Variants in RABGEF1 observed in about 807,000 individuals in gnomAD.
RABGEF1 encodes the protein rab5 GDP/GTP exchange factor.
In RABGEF1, 26 loss-of-function variants were observed where a neutral mutation model predicts 57.3. That is an observed-to-expected ratio of 0.45 (90% CI 0.33 to 0.63). The LOEUF (loss-of-function observed/expected upper bound fraction) is 0.63, where lower values mean the gene tolerates loss of function less well. Ranked by LOEUF, RABGEF1 falls within the 20% of genes least tolerant of loss-of-function variation. The probability of loss-of-function intolerance (pLI) is 0.02; values close to 1 mark genes in which losing one functional copy is unlikely to be tolerated. For missense variants in RABGEF1, 464 were observed against 607.6 expected (o/e 0.76, Z 2.48); for synonymous variants, 185 against 210.7 (o/e 0.88, Z 1.06).
intron 2 of RABGEF1, among the ~76,000 whole-genome samples, chr7:66,726,471 C>A (rs1402536748): frequency 6.6e-6 from 1 of 152,026 alleles, no homozygotes; most frequent in Non-Finnish European, 1.5e-5. Flanking sequence ...TTCAAGCGAT[C>A]CTCCCACCTC....
chr7:66,803,232 C>T (rs1468494011), intron 7 of RABGEF1, among the ~76,000 whole-genome samples: 1 of 152,212 alleles, frequency 6.6e-6, no homozygotes, highest in Non-Finnish European at 1.5e-5. Flanking sequence ...TGTGCACTGC[C>T]TAGCACATCT....
chr7:66,793,681 G>T (rs914480072), intron 4 of RABGEF1, among the ~76,000 whole-genome samples: 1 of 116,486 alleles, frequency 8.6e-6, no homozygotes, highest in Non-Finnish European at 1.9e-5. Flanking sequence ...TGCAGTGTGT[G>T]CATGTATATG....
chr7:66,790,244 ATG>A (rs1812312762), intron 4 of RABGEF1, among the ~76,000 whole-genome samples: 2 of 152,234 alleles, frequency 1.3e-5, no homozygotes, highest in African/African-American at 4.8e-5. Context: ...ACTCTCAACA[ATG>A]AGTGGAGTCC....
intron 2 of RABGEF1, among the ~76,000 whole-genome samples, chr7:66,715,512 T>G (rs1795288740): frequency 6.6e-6 from 1 of 152,212 alleles, no homozygotes; most frequent in Non-Finnish European, 1.5e-5. Flanking sequence ...ATGTTCTATT[T>G]TCATTTTCAT....
chr7:66,718,097 C>A (rs1354690527), intron 2 of RABGEF1, among the ~76,000 whole-genome samples: 4 of 152,066 alleles, frequency 2.6e-5, no homozygotes, highest in African/African-American at 9.7e-5. Flanking sequence ...TGGCCCAGCA[C>A]TTTGGGAGGC....
intron 1 of RABGEF1, chr7:66,748,949 G>A: frequency 4.6e-6 from 1 of 215,882 alleles, no homozygotes; most frequent in Non-Finnish European, 1.0e-5. Context: ...TGTCATAAGA[G>A]CAAGGCCGCT....
intron 2 of RABGEF1, among the ~76,000 whole-genome samples, chr7:66,773,079 G>GTTTTTTTTT (rs1241121812): frequency 9.4e-6 from 1 of 106,914 alleles, no homozygotes; most frequent in Non-Finnish European, 2.2e-5. Flanking sequence ...CTAGCTAGTT[G>GTTTTTTTTT]TTTGTTTTTT....
chr7:66,776,325 G>C (rs1808523883), intron 3 of RABGEF1, among the ~76,000 whole-genome samples: 1 of 152,190 alleles, frequency 6.6e-6, no homozygotes, highest in South Asian at 2.1e-4. Flanking sequence ...TCTAGGTTTT[G>C]TGACTTTTGC....
At chr7:66,713,172 C>T (rs1421170544) in intron 2 of RABGEF1, among the ~76,000 whole-genome samples, 5 of 138,124 alleles carry the variant, frequency 3.6e-5, no homozygotes, top group African/African-American at 1.4e-4. Flanking sequence ...GACGTAGTCT[C>T]CCTCTGTCGC....
At chr7:66,743,737 G>A (rs1799544124) in intron 1 of RABGEF1, among the ~76,000 whole-genome samples, 2 of 152,062 alleles carry the variant, frequency 1.3e-5, no homozygotes, top group Admixed American at 6.6e-5. Context: ...TCCTGACCTC[G>A]TGATCCGCCC....
intron 5 of RABGEF1, chr7:66,796,951 T>C (rs1786093402): frequency 4.7e-6 from 2 of 428,380 alleles, no homozygotes; most frequent in African/African-American, 2.1e-5. Context: ...TTGTTCTGAG[T>C]GTGTTTAATT....
At chr7:66,763,556 C>T (rs753160883) in intron 1 of RABGEF1, among the ~76,000 whole-genome samples, 3 of 152,196 alleles carry the variant, frequency 2.0e-5, no homozygotes, top group Non-Finnish European at 4.4e-5. Context: ...ATAGAATTCT[C>T]CCTTTTGAAG....
chr7:66,738,881 A>C (rs1798381681), upstream of RABGEF1, among the ~76,000 whole-genome samples: 1 of 152,172 alleles, frequency 6.6e-6, no homozygotes, highest in East Asian at 1.9e-4. Flanking sequence ...ACCACCATCC[A>C]AGGTACTACT....
intron 7 of RABGEF1, among the ~76,000 whole-genome samples, chr7:66,803,888 C>CAA (rs761300031): frequency 1.7e-4 from 18 of 108,686 alleles, no homozygotes; most frequent in Non-Finnish European, 2.5e-4. Context: ...GATGCTGTCT[C>CAA]AAAAAAAAAA....
chr7:66,783,024 G>T (rs189650511), intron 3 of RABGEF1, among the ~76,000 whole-genome samples: 2,463 of 152,232 alleles, frequency 0.016, 43 homozygotes, highest in Middle Eastern at 0.027. Flanking sequence ...TTTATTTGAA[G>T]AGGGGAAAGA....
chr7:66,736,988 T>C (rs1798019328), upstream of RABGEF1, among the ~76,000 whole-genome samples: 1 of 151,674 alleles, frequency 6.6e-6, no homozygotes, highest in South Asian at 2.1e-4. Flanking sequence ...GCTGATGCAC[T>C]GGGGCTTCCA....
intron 1 of RABGEF1, among the ~76,000 whole-genome samples, chr7:66,705,120 G>T (rs1039239746): frequency 6.6e-6 from 1 of 152,076 alleles, no homozygotes; most frequent in Non-Finnish European, 1.5e-5. Context: ...GCAATAGATG[G>T]CCGGGCGCGG....
chr7:66,671,650 A>G, the RABGEF1 span, among the ~76,000 whole-genome samples: 1 of 152,180 alleles, frequency 6.6e-6, no homozygotes, highest in Non-Finnish European at 1.5e-5. Context: ...GTGGAAAAAC[A>G]CAATGTCAAC....
intron 1 of RABGEF1, among the ~76,000 whole-genome samples, chr7:66,700,293 C>T (rs1234602533): frequency 6.6e-6 from 1 of 152,256 alleles, no homozygotes; most frequent in Non-Finnish European, 1.5e-5. Flanking sequence ...CTGCTCAGTC[C>T]TTAAAAGTCC....
Sources: allele counts gnomAD v4.1 joint callset (sites outside exome capture counted in the v4.1 genomes callset), GRCh38; gene constraint gnomAD v4.1.1; transcripts MANE v1.5; gene names NCBI Gene and HGNC (gene_info 2026-07-23, HGNC 2026-07-21).